ZNF385D: variants seen among roughly 807,000 people sequenced by gnomAD.
The protein encoded by ZNF385D is zinc finger protein 385D, also known as zinc finger protein 659.
A neutral mutation model predicts 35.8 loss-of-function variants in ZNF385D; 15 were observed. The ratio of observed to expected loss-of-function variants is 0.42; its 90% confidence interval spans 0.28 to 0.64. The LOEUF (loss-of-function observed/expected upper bound fraction) is 0.64. ZNF385D is among the 30% of genes least tolerant of loss of function. The probability of loss-of-function intolerance (pLI) is 0.23; values close to 1 mark genes in which losing one functional copy is unlikely to be tolerated. For synonymous variants in ZNF385D, 212 were observed against 186.8 expected (o/e 1.13, Z -1.10); for missense variants, 474 against 494.6 (o/e 0.96, Z 0.39).
intron 3 of ZNF385D, among the ~76,000 whole-genome samples, chr3:21,899,208 G>A (rs115645920): frequency 6.6e-6 from 1 of 151,814 alleles, no homozygotes; most frequent in Non-Finnish European, 1.5e-5. Flanking sequence ...CCAGGACAGT[G>A]CCCTATGACA....
intron 3 of ZNF385D, among the ~76,000 whole-genome samples, chr3:21,775,950 G>T (rs960787027): frequency 2.6e-5 from 4 of 151,504 alleles, no homozygotes; most frequent in African/African-American, 4.8e-5. Flanking sequence ...CACAAATACT[G>T]CTAATAGTAT....
intron 4 of ZNF385D, among the ~76,000 whole-genome samples, chr3:21,453,007 T>C (rs1702555444): frequency 6.6e-6 from 1 of 151,912 alleles, no homozygotes; most frequent in South Asian, 2.1e-4. Context: ...AAAAACAGTG[T>C]GGCATAAGAA....
intron 1 of ZNF385D, among the ~76,000 whole-genome samples, chr3:21,673,003 G>T (rs9850039): frequency 0.2 from 29,751 of 151,998 alleles, 3,146 homozygotes; most frequent in East Asian, 0.35. Flanking sequence ...GGTAGACAGT[G>T]AATAATTCAG....
chr3:22,178,895 A>T (rs567374628), intron 2 of ZNF385D, among the ~76,000 whole-genome samples: 1 of 152,290 alleles, frequency 6.6e-6, no homozygotes, highest in South Asian at 2.1e-4. Context: ...AGATAGTTGT[A>T]GATATGTGGC....
chr3:22,079,383 T>C (rs911964881), intron 3 of ZNF385D, among the ~76,000 whole-genome samples: 3 of 151,170 alleles, frequency 2.0e-5, no homozygotes, highest in Non-Finnish European at 4.4e-5. Flanking sequence ...AATTATATAA[T>C]TAATATAAAA....
At chr3:21,940,805 T>A (rs1701480339) in intron 3 of ZNF385D, among the ~76,000 whole-genome samples, 1 of 152,184 alleles carries the variant, frequency 6.6e-6, no homozygotes, top group South Asian at 2.1e-4. Context: ...AAAATATATG[T>A]AAAAATATGC....
chr3:21,850,470 T>G (rs2125808179), intron 3 of ZNF385D, among the ~76,000 whole-genome samples: 1 of 152,182 alleles, frequency 6.6e-6, no homozygotes, highest in Non-Finnish European at 1.5e-5. Context: ...TGAAGTAGCC[T>G]GGAATTTGTG....
At chr3:21,656,655 A>G (rs1378262335) in intron 2 of ZNF385D, among the ~76,000 whole-genome samples, 2 of 151,870 alleles carry the variant, frequency 1.3e-5, no homozygotes, top group African/African-American at 2.4e-5. Context: ...ACACAATTCA[A>G]CCCATAATAC....
chr3:22,104,135 T>C (rs190942464), intron 3 of ZNF385D, among the ~76,000 whole-genome samples: 31 of 152,194 alleles, frequency 2.0e-4, no homozygotes, highest in Admixed American at 4.6e-4. Context: ...TGGAGACAAA[T>C]TGGTCCAGCT....
intron 1 of ZNF385D, among the ~76,000 whole-genome samples, chr3:21,707,051 C>G (rs1027593079): frequency 2.6e-5 from 4 of 152,082 alleles, no homozygotes; most frequent in Admixed American, 2.6e-4. Context: ...TTTAATAAAA[C>G]CCAGATGTGA....
intron 3 of ZNF385D, among the ~76,000 whole-genome samples, chr3:22,004,023 A>G (rs1423690657): frequency 6.6e-6 from 1 of 152,198 alleles, no homozygotes; most frequent in Non-Finnish European, 1.5e-5. Flanking sequence ...AGTAACTAAA[A>G]CAGTACAGTA....
At chr3:21,635,546 T>G (rs184977813) in intron 2 of ZNF385D, among the ~76,000 whole-genome samples, 1,560 of 111,842 alleles carry the variant, frequency 0.014, 17 homozygotes, top group Non-Finnish European at 0.021. Flanking sequence ...GTTGTTGTTG[T>G]TGTTGTTTGT....
chr3:21,908,176 A>G (rs1469391955), intron 3 of ZNF385D, among the ~76,000 whole-genome samples: 3 of 151,792 alleles, frequency 2.0e-5, no homozygotes, highest in African/African-American at 4.8e-5. Flanking sequence ...CTATCTATAT[A>G]TGTATAAAGG....
At chr3:21,780,184 T>C (rs1243990644) in intron 3 of ZNF385D, among the ~76,000 whole-genome samples, 1 of 152,062 alleles carries the variant, frequency 6.6e-6, no homozygotes, top group East Asian at 1.9e-4. Flanking sequence ...ACATTTACTG[T>C]GTGCCAGGCA....
At chr3:21,855,943 G>A (rs1696690057) in intron 3 of ZNF385D, among the ~76,000 whole-genome samples, 1 of 151,886 alleles carries the variant, frequency 6.6e-6, no homozygotes. Context: ...ACCAAACACA[G>A]AACTGGATGA....
Position 21,776,745 on chromosome 3 carries a change from A to G in ZNF385D, c.326-111717T>C, listed in dbSNP as rs190742588. On this transcript the variant is annotated intron_variant, in intron 3 of 5. Coordinates refer to the ZNF385D transcript ENST00000494108. ...GTAAAGTTGAACAAAGAATATATAC[A>G]AGTGATGTTTACAAATCATAATTAC... 7.2e-5 allele frequency among the ~76,000 whole-genome samples: 11 copies of G among 152,088 alleles called. No individual in the cohort carries two copies. In the East Asian group the frequency reaches 2.1e-3, roughly 30 times the overall value.
At chr3:22,247,066 G>A (rs1699822988) in intron 2 of ZNF385D, among the ~76,000 whole-genome samples, 1 of 152,018 alleles carries the variant, frequency 6.6e-6, no homozygotes, top group Non-Finnish European at 1.5e-5. Flanking sequence ...CACACATGCA[G>A]TTTCACTTGT....
chr3:22,364,412 A>G (rs1456118685), intron 2 of ZNF385D, among the ~76,000 whole-genome samples: 1 of 152,130 alleles, frequency 6.6e-6, no homozygotes, highest in Admixed American at 6.5e-5. Context: ...TGCAACAACA[A>G]AGCAACCTGA....
intron 3 of ZNF385D, among the ~76,000 whole-genome samples, chr3:21,991,001 A>C (rs983832864): frequency 6.6e-6 from 1 of 152,220 alleles, no homozygotes; most frequent in Non-Finnish European, 1.5e-5. Flanking sequence ...TGGTATATCA[A>C]AGCTTCTAAT....
Sources: gnomAD v4.1 joint callset for allele counts (sites outside exome capture counted in the v4.1 genomes callset) on GRCh38, gnomAD v4.1.1 for gene constraint, MANE v1.5 for transcripts, NCBI Gene and HGNC (gene_info 2026-07-23, HGNC 2026-07-21) for gene names.